Variants in WWOX observed in about 807,000 individuals in gnomAD.
WWOX encodes the protein WW domain containing oxidoreductase, also known as WW domain-containing oxidoreductase.
Under a neutral mutation model 46.2 loss-of-function variants are expected in WWOX, and 69 were observed. That is an observed-to-expected ratio of 1.49 (90% CI 1.23 to 1.82). The LOEUF (loss-of-function observed/expected upper bound fraction) is 1.82, where lower values mean the gene tolerates loss of function less well. WWOX is among the 40% of genes most tolerant of loss of function. The pLI, the probability that WWOX is intolerant of heterozygous loss-of-function variation, is 0.00. For synonymous variants in WWOX, 359 were observed against 202.6 expected, an observed-to-expected ratio of 1.77 and a Z score of -6.56; for missense variants, 919 against 542.6, an observed-to-expected ratio of 1.69 and a Z score of -6.89.
At chr16:78,311,595 A>C (rs7188259) in intron 5 of WWOX, among the ~76,000 whole-genome samples, 2,527 of 152,288 alleles carry the variant, frequency 0.017, 70 homozygotes, top group African/African-American at 0.057. Context: ...ATACATGTGC[A>C]GAAATGCAGA....
intron 8 of WWOX, among the ~76,000 whole-genome samples, chr16:78,842,395 C>G (rs1291279447): frequency 6.6e-6 from 1 of 151,212 alleles, no homozygotes; most frequent in South Asian, 2.1e-4. Context: ...CTGAGCTGCT[C>G]GGGAGGCCAA....
At position 78,734,841 on chromosome 16, in the gene WWOX, C is replaced by CTT. The variant is rs60560119; in HGVS notation, c.1056+302130_1056+302131dup. On this transcript the variant is annotated intron_variant, in intron 8 of 8. Coordinates refer to ENST00000566780, the MANE Select transcript of WWOX (RefSeq NM_016373.4). ...GATGACTCAGGTGGGGACTTCAGTC[C>CTT]TTTTTTTTTTTTTTTTTTTTTTTTT... 3.5e-3 allele frequency among the ~76,000 whole-genome samples: 139 copies of CTT among 40,124 alleles called. 44 individuals are homozygous for CTT. Among genetic ancestry groups the CTT allele is most frequent in the Non-Finnish European group, 5.1e-3 (108 of 21,328 alleles). 26.3% of individuals were successfully genotyped at this position (40,124 alleles called of 152,430 possible).
Position 78,865,648 on chromosome 16 carries a change from G to A in WWOX, c.1057-345960G>A, listed in dbSNP as rs563760101. Among the ~76,000 whole-genome samples the A allele has an allele frequency of 2.1e-3, 314 of 152,288 alleles. 2 individuals carry two copies. Among genetic ancestry groups the A allele is most frequent in the Non-Finnish European group, 4.0e-3 (275 of 68,030 alleles). ...TAATCCCAGCACTTTGGGAGGCTGA[G>A]GTGGGTGGATCACCTGAGGTCAGGA... On this transcript the variant is annotated intron_variant, in intron 8 of 8. Transcript: ENST00000566780.
intron 6 of WWOX, among the ~76,000 whole-genome samples, chr16:78,392,789 T>A (rs6564537): frequency 6.6e-6 from 1 of 152,076 alleles, no homozygotes; most frequent in Non-Finnish European, 1.5e-5. Flanking sequence ...CAGGCCTGAT[T>A]GCCAAAGCCA....
intron 8 of WWOX, among the ~76,000 whole-genome samples, chr16:78,523,405 A>G (rs1030782748): frequency 6.6e-6 from 1 of 152,184 alleles, no homozygotes; most frequent in Admixed American, 6.5e-5. Flanking sequence ...AGGAAGTAGT[A>G]CAGCTATCAG....
intron 8 of WWOX, among the ~76,000 whole-genome samples, chr16:78,743,569 T>C (rs2142424603): frequency 6.6e-6 from 1 of 152,222 alleles, no homozygotes; most frequent in South Asian, 2.1e-4. Context: ...AAACACCAAC[T>C]TTCCACAACT....
intron 8 of WWOX, among the ~76,000 whole-genome samples, chr16:78,704,230 A>G (rs1030955502): frequency 3.9e-5 from 6 of 152,084 alleles, no homozygotes; most frequent in African/African-American, 1.4e-4. Context: ...GAAACAGTGC[A>G]ACCTACCTTA....
At chr16:78,309,524 C>G (rs944197548) in intron 5 of WWOX, among the ~76,000 whole-genome samples, 1 of 152,140 alleles carries the variant, frequency 6.6e-6, no homozygotes, top group Non-Finnish European at 1.5e-5. Context: ...AACCAATGTA[C>G]TCCTTACATA....
At chr16:78,434,622 TCAC>T (rs1474560916) in intron 8 of WWOX, among the ~76,000 whole-genome samples, 1 of 152,192 alleles carries the variant, frequency 6.6e-6, no homozygotes, top group African/African-American at 2.4e-5. Context: ...TTGAGTCATC[TCAC>T]TTGTATTTGA....
At chr16:78,717,170 C>G (rs1258826705) in intron 8 of WWOX, among the ~76,000 whole-genome samples, 1 of 152,120 alleles carries the variant, frequency 6.6e-6, no homozygotes, top group East Asian at 1.9e-4. Context: ...TCTCCCCAGG[C>G]TTAGTGGTTG....
At chr16:78,977,046 A>T (rs537512780) in intron 8 of WWOX, among the ~76,000 whole-genome samples, 1 of 152,136 alleles carries the variant, frequency 6.6e-6, no homozygotes, top group South Asian at 2.1e-4. Flanking sequence ...TCAGGTTTCA[A>T]CTGAGGCTCA....
At chr16:78,673,231 T>C (rs867611341) in intron 8 of WWOX, among the ~76,000 whole-genome samples, 1 of 151,854 alleles carries the variant, frequency 6.6e-6, no homozygotes, top group Non-Finnish European at 1.5e-5. Flanking sequence ...TTTCAGAGCA[T>C]GTAATTTCTT....
intron 8 of WWOX, among the ~76,000 whole-genome samples, chr16:78,504,282 G>T (rs986416864): frequency 1.2e-4 from 18 of 152,156 alleles, no homozygotes; most frequent in African/African-American, 4.3e-4. Flanking sequence ...ATCCCTGAAG[G>T]GGGAAAAGGT....
intron 8 of WWOX, among the ~76,000 whole-genome samples, chr16:79,079,978 T>C (rs1450671167): frequency 1.3e-5 from 2 of 152,238 alleles, no homozygotes; most frequent in Non-Finnish European, 2.9e-5. Context: ...TTATTTATTC[T>C]ACGGGTATTT....
At chr16:78,481,777 A>C (rs562311518) in intron 8 of WWOX, among the ~76,000 whole-genome samples, 94 of 121,438 alleles carry the variant, frequency 7.7e-4, no homozygotes, top group African/African-American at 2.6e-3. Flanking sequence ...GCGCGCCTGC[A>C]TGTGTACTGT....
At chr16:78,392,567 C>T (rs547128621) in intron 6 of WWOX, among the ~76,000 whole-genome samples, 1 of 152,238 alleles carries the variant, frequency 6.6e-6, no homozygotes, top group South Asian at 2.1e-4. Flanking sequence ...AAACCACTTG[C>T]TGGTGCCAAA....
rs764592829 is a variant in WWOX at position 79,171,252 on chromosome 16, A to G, written c.1057-40356A>G. ...GGTTTAGGGGTTGCTCAGAGGAGGA[A>G]TTAACTCTATAAGGAAGTATTCTGA... On this transcript the variant is annotated intron_variant, in intron 8 of 8. Transcript: ENST00000566780. Among the ~76,000 whole-genome samples, 7 of 152,198 alleles carry G rather than the reference A, an allele frequency of 4.6e-5. No individual in the cohort carries two copies. The East Asian group carries it at 1.3e-3, about 29-fold the overall frequency.
In WWOX at chr16:78,375,629, C is replaced by G. The variant is rs557476188; in HGVS notation, c.517-11231C>G. On this transcript the variant is annotated intron_variant, in intron 5 of 8. Transcript: ENST00000566780. ...TTCTTGGGAATGGAAATTGGTATAA[C>G]CTTTTTGGAGGACCCTCAGTAAAAA... Among the ~76,000 whole-genome samples the G allele has an allele frequency of 2.6e-5, 4 of 152,136 alleles. No individual in the cohort carries two copies. The East Asian group carries it at 7.7e-4, about 29-fold the overall frequency.
intron 8 of WWOX, among the ~76,000 whole-genome samples, chr16:78,976,569 T>G (rs2046576733): frequency 6.6e-6 from 1 of 152,222 alleles, no homozygotes; most frequent in Non-Finnish European, 1.5e-5. Flanking sequence ...GGTCTCAGCC[T>G]GGGATCTTGC....
Sources: gnomAD v4.1 joint callset for allele counts (sites outside exome capture counted in the v4.1 genomes callset) on GRCh38, gnomAD v4.1.1 for gene constraint, MANE v1.5 for transcripts, NCBI Gene and HGNC (gene_info 2026-07-23, HGNC 2026-07-21) for gene names.